The following LRRC28 variants were observed in gnomAD, a reference collection of about 807,000 sequenced individuals.
LRRC28 encodes the protein leucine-rich repeat-containing protein 28.
In LRRC28, 39 loss-of-function variants were observed where a neutral mutation model predicts 45.7. That is an observed-to-expected ratio of 0.85 (90% confidence interval 0.66 to 1.12). LRRC28 has a LOEUF of 1.12. LRRC28 is among the 50% of genes most tolerant of loss of function. The pLI is 0.00. For missense variants in LRRC28, 435 were observed against 438.5 expected, an observed-to-expected ratio of 0.99 and a Z score of 0.07; for synonymous variants, 206 against 178.8, an observed-to-expected ratio of 1.15 and a Z score of -1.22.
Position 99,294,285 on chromosome 15 carries a change from C to T in LRRC28, c.385+6334C>T, listed in dbSNP as rs114146704. 3.5e-3 allele frequency among the ~76,000 whole-genome samples: 534 copies of T among 151,976 alleles called. 2 individuals are homozygous for T. The highest frequency in any genetic ancestry group is 0.012 in the African/African-American group (515 of 41,440). On this transcript the variant is annotated intron_variant, in intron 5 of 9. Transcript: ENST00000301981. ...TCCTCTCTTTCTGGAACTCTGGTTA[C>T]GCACATTAGATAATTTGGTATTCTT...
chr15:99,386,103 T>A lies in LRRC28; in HGVS notation c.*1T>A. The A allele has an allele frequency of 6.2e-7, 1 of 1,613,700 alleles. No homozygotes were observed. Among genetic ancestry groups the A allele is most frequent in the Non-Finnish European group, 8.5e-7 (1 of 1,179,594 alleles). On this transcript the variant is annotated 3_prime_UTR_variant, in exon 10 of 10. Transcript: ENST00000301981. ...GCAGACTTTTGACCTGCTGAGTTGATAAACACTCAAGAACCTCAGGAGCGC... is the reference window on the plus strand; with the variant it reads ...GCAGACTTTTGACCTGCTGAGTTGAAAAACACTCAAGAACCTCAGGAGCGC...
rs1567590551 is a variant in LRRC28, at chr15:99,251,527, T to C, written c.-75T>C. Reference sequence around the variant, plus strand: ...GCCGCTTGCGCTCCGGAGCGCTGGCTCTGCTGGCGCTGAGGTGAGTAGAGC... The same window carrying C: ...GCCGCTTGCGCTCCGGAGCGCTGGCCCTGCTGGCGCTGAGGTGAGTAGAGC... On this transcript the variant is annotated 5_prime_UTR_variant, in exon 1 of 10. Transcript: ENST00000301981. 1.3e-5 allele frequency: 2 copies of C among 150,364 alleles called. No individual in the cohort carries two copies. Among genetic ancestry groups the C allele is most frequent in the Admixed American group, 6.6e-5 (1 of 15,122 alleles). 9.3% of individuals were successfully genotyped at this position (150,364 alleles called of 1,614,324 possible).
chr15:99,302,604 T>C (rs1190570827), intron 5 of LRRC28, among the ~76,000 whole-genome samples: 2 of 152,220 alleles, frequency 1.3e-5, no homozygotes, highest in Non-Finnish European at 2.9e-5. Context: ...AAATTCATCA[T>C]TTTACATGTA....
chr15:99,351,827 G>C (rs1326402233), intron 6 of LRRC28, among the ~76,000 whole-genome samples: 2 of 152,216 alleles, frequency 1.3e-5, no homozygotes, highest in Non-Finnish European at 2.9e-5. Context: ...TGTAGTTGGG[G>C]AAAGAGATTG....
intron 2 of LRRC28, among the ~76,000 whole-genome samples, chr15:99,264,504 T>C (rs1487045674): frequency 6.6e-6 from 1 of 152,222 alleles, no homozygotes; most frequent in African/African-American, 2.4e-5. Context: ...TACTGAGCAA[T>C]GCTGAGGTGG....
chr15:99,274,581 A>T (rs1336278696), intron 2 of LRRC28, among the ~76,000 whole-genome samples: 1 of 152,184 alleles, frequency 6.6e-6, no homozygotes, highest in Non-Finnish European at 1.5e-5. Context: ...CTTAAAATTC[A>T]ATTTTAATTT....
intron 5 of LRRC28, among the ~76,000 whole-genome samples, chr15:99,290,261 AAAAAAAAG>A (rs927981992): frequency 1.4e-4 from 21 of 150,800 alleles, no homozygotes; most frequent in East Asian, 1.0e-3. Context: ...CCTGCCTCAA[AAAAAAAAG>A]AAAAAAAGAA....
chr15:99,307,381 G>A (rs1197234456), intron 5 of LRRC28, among the ~76,000 whole-genome samples: 1 of 152,164 alleles, frequency 6.6e-6, no homozygotes, highest in Non-Finnish European at 1.5e-5. Context: ...AAGTGTGAAA[G>A]AAAGAATACT....
rs528303631 is a variant in LRRC28 at position 99,326,233 on chromosome 15, A to G, written c.386-7690A>G. On this transcript the variant is annotated intron_variant, in intron 5 of 9. Coordinates refer to ENST00000301981, the MANE Select transcript of LRRC28 (RefSeq NM_144598.5). ...CTTTGCTTTTTAAAAAATAAAAAAA[A>G]TGATTAAAAGGTTTTAAAAGGTATA... Among the ~76,000 whole-genome samples, 30 of 152,332 alleles carry G rather than the reference A, an allele frequency of 2.0e-4. 1 individual carries two copies. In the East Asian group the frequency reaches 4.0e-3, roughly 21 times the overall value.
chr15:99,363,073 T>C (rs748804667), intron 8 of LRRC28, 33 bp from the exon 9 acceptor site: 11 of 1,580,478 alleles, frequency 7.0e-6, no homozygotes, highest in Middle Eastern at 3.4e-4. Context: ...CTGATTTTTT[T>C]ACTCGTGTGC....
intron 6 of LRRC28, among the ~76,000 whole-genome samples, chr15:99,341,083 C>CTTTTTT (rs528372394): frequency 1.6e-3 from 158 of 100,466 alleles, no homozygotes; most frequent in Admixed American, 2.0e-3. Flanking sequence ...ATTCTACTGT[C>CTTTTTT]TTTTTTTTTT....
At chr15:99,292,630 C>T (rs2082154403) in intron 5 of LRRC28, among the ~76,000 whole-genome samples, 1 of 152,174 alleles carries the variant, frequency 6.6e-6, no homozygotes, top group African/African-American at 2.4e-5. Context: ...TCCCAAAGTG[C>T]TGGGATTACA....
At chr15:99,316,427 G>A in intron 5 of LRRC28, among the ~76,000 whole-genome samples, 1 of 152,084 alleles carries the variant, frequency 6.6e-6, no homozygotes, top group African/African-American at 2.4e-5. Flanking sequence ...GAAACCACTT[G>A]CCTCTAATAA....
intron 2 of LRRC28, among the ~76,000 whole-genome samples, chr15:99,276,333 C>T (rs2081616306): frequency 6.6e-6 from 1 of 152,096 alleles, no homozygotes; most frequent in African/African-American, 2.4e-5. Context: ...TGAAACCAGT[C>T]CCTGGAGGCA....
rs1027482163 is a variant in LRRC28, at chr15:99,388,929, G to A, written c.*2827G>A. The A allele has an allele frequency of 2.0e-5, 3 of 152,184 alleles. No homozygotes were observed. The highest frequency in any genetic ancestry group is 7.2e-5 in the African/African-American group (3 of 41,432). The allele number at this position is 152,184 out of a possible 1,614,324, so 9.4% of individuals were successfully genotyped here. On this transcript the variant is annotated 3_prime_UTR_variant, in exon 10 of 10. Coordinates refer to ENST00000301981, the MANE Select transcript of LRRC28 (RefSeq NM_144598.5). ...GATTTTAGTGGATTACCCTATCAGT[G>A]TTCTTCAGTATGTCCAATTGTTATC...
chr15:99,370,274 A>G (rs750753306), intron 9 of LRRC28, among the ~76,000 whole-genome samples: 6 of 152,250 alleles, frequency 3.9e-5, no homozygotes, highest in East Asian at 1.9e-4. Context: ...CTTGTAAATA[A>G]TGAGTTTAAA....
Position 99,389,535 on chromosome 15 carries a change from A to G in LRRC28, c.*3433A>G, listed in dbSNP as rs191317086. 3.1e-4 allele frequency: 47 copies of G among 152,334 alleles called. No homozygotes were observed. Among genetic ancestry groups the G allele is most frequent in the African/African-American group, 1.0e-3 (43 of 41,570 alleles). 9.4% of individuals were successfully genotyped at this position (152,334 alleles called of 1,614,324 possible). The stretch of plus-strand genomic sequence containing the variant: ...ACATTTTTATTAAGATGATTTATGA[A>G]CATGGATTTCTAACTGGACCAACAC... On this transcript the variant is annotated 3_prime_UTR_variant, in exon 10 of 10. Coordinates refer to ENST00000301981, the MANE Select transcript of LRRC28 (RefSeq NM_144598.5).
At chr15:99,321,950 T>C (rs892798152) in intron 5 of LRRC28, among the ~76,000 whole-genome samples, 1 of 152,126 alleles carries the variant, frequency 6.6e-6, no homozygotes, top group Non-Finnish European at 1.5e-5. Context: ...AATTGAGAAA[T>C]AGGGAATCTG....
chr15:99,376,911 A>G (rs1311875338), intron 9 of LRRC28, among the ~76,000 whole-genome samples: 1 of 152,152 alleles, frequency 6.6e-6, no homozygotes, highest in Non-Finnish European at 1.5e-5. Flanking sequence ...TCCATGGTGT[A>G]TATGTGCCAC....
Sources: allele counts gnomAD v4.1 joint callset (sites outside exome capture counted in the v4.1 genomes callset), GRCh38; gene constraint gnomAD v4.1.1; transcripts MANE v1.5; gene names NCBI Gene and HGNC (gene_info 2026-07-23, HGNC 2026-07-21).